The following TMEM232 variants were observed in gnomAD, a reference collection of about 807,000 sequenced individuals.
The protein encoded by TMEM232 is transmembrane protein 232.
A neutral mutation model predicts 78.8 loss-of-function variants in TMEM232; 80 were observed. That is an observed-to-expected ratio of 1.01 (90% CI 0.85 to 1.22). TMEM232 has a LOEUF of 1.22. Among genes scored for constraint, TMEM232 ranks in the 50% most tolerant of loss-of-function variants. TMEM232 has a pLI of 0.00. For missense variants in TMEM232, 881 were observed against 742.2 expected (o/e 1.19, Z -2.17); for synonymous variants, 297 against 254.3 (o/e 1.17, Z -1.60).
intron 7 of TMEM232, among the ~76,000 whole-genome samples, chr5:110,622,154 A>T (rs1783832490): frequency 6.6e-6 from 1 of 152,188 alleles, no homozygotes; most frequent in African/African-American, 2.4e-5. Flanking sequence ...CCTAATTTTA[A>T]GGAGTTTATG....
intron 1 of TMEM232, among the ~76,000 whole-genome samples, chr5:110,711,447 C>T (rs248864): frequency 0.82 from 125,420 of 152,142 alleles, 52,230 homozygotes; most frequent in South Asian, 0.89. Flanking sequence ...AGACCCAGAA[C>T]GGCCAAAGCT....
chr5:110,477,779 T>C (rs944062675), intron 12 of TMEM232, among the ~76,000 whole-genome samples: 3 of 151,894 alleles, frequency 2.0e-5, no homozygotes, highest in African/African-American at 7.2e-5. Flanking sequence ...TACATCTACA[T>C]GCTCATTTTG....
intron 11 of TMEM232, among the ~76,000 whole-genome samples, chr5:110,555,026 T>C (rs1347515237): frequency 6.6e-6 from 1 of 152,118 alleles, no homozygotes; most frequent in Non-Finnish European, 1.5e-5. Context: ...TCAGTTCAGC[T>C]CTTATTTTGG....
chr5:110,387,980 G>C (rs1427648073), exon 5 of TMEM232: 1 of 153,214 alleles, frequency 6.5e-6, no homozygotes, highest in African/African-American at 2.4e-5. Context: ...TAAATACCCA[G>C]GGCTCATCAT....
chr5:110,485,962 C>A (rs1764418197), intron 12 of TMEM232, among the ~76,000 whole-genome samples: 1 of 152,048 alleles, frequency 6.6e-6, no homozygotes, highest in African/African-American at 2.4e-5. Context: ...CTGATCACTG[C>A]ATCCATGCCA....
intron 12 of TMEM232, among the ~76,000 whole-genome samples, chr5:110,431,387 A>G (rs1561486337): frequency 6.6e-6 from 1 of 151,448 alleles, no homozygotes; most frequent in Non-Finnish European, 1.5e-5. Flanking sequence ...TTTAACTTAA[A>G]AGTTAGATAA....
At chr5:110,656,475 T>G (rs1416154165) in intron 2 of TMEM232, among the ~76,000 whole-genome samples, 2 of 152,038 alleles carry the variant, frequency 1.3e-5, no homozygotes, top group Non-Finnish European at 2.9e-5. Flanking sequence ...GACTGAGATA[T>G]CAAAGAATAC....
At chr5:110,692,902 A>C (rs1275105220) in intron 1 of TMEM232, among the ~76,000 whole-genome samples, 1 of 152,220 alleles carries the variant, frequency 6.6e-6, no homozygotes, top group East Asian at 1.9e-4. Context: ...AAGAAAAGGC[A>C]GCAGTAACCT....
chr5:110,724,642 G>A (rs896554744), intron 1 of TMEM232, among the ~76,000 whole-genome samples: 9 of 152,062 alleles, frequency 5.9e-5, no homozygotes, highest in Non-Finnish European at 1.3e-4. Flanking sequence ...TTTTTCTGGT[G>A]GACTACTGTT....
intron 1 of TMEM232, among the ~76,000 whole-genome samples, chr5:110,723,555 T>G (rs1797865338): frequency 6.6e-6 from 1 of 152,152 alleles, no homozygotes; most frequent in East Asian, 1.9e-4. Flanking sequence ...TCTCAAAATC[T>G]GTATAGACTG....
In TMEM232 at chr5:110,412,668, T is replaced by G. The variant is rs182825410; in HGVS notation, n.308+12155A>C. Reference sequence around the variant, plus strand: ...ATAACCCATCTTTTCCCAAGAAAATTTTCAGACCCCTGACTTGGTTTTAAG... The same window carrying G: ...ATAACCCATCTTTTCCCAAGAAAATGTTCAGACCCCTGACTTGGTTTTAAG... On this transcript the variant is annotated intron_variant and non_coding_transcript_variant, in intron 2 of 8. Coordinates refer to the TMEM232 transcript ENST00000507188. Among the ~76,000 whole-genome samples, 64 of 152,190 alleles carry G rather than the reference T, an allele frequency of 4.2e-4. 1 individual carries two copies. The highest frequency in any genetic ancestry group is 3.0e-3 in the Admixed American group (46 of 15,286).
At chr5:110,457,462 A>G (rs1761027585) in intron 12 of TMEM232, among the ~76,000 whole-genome samples, 1 of 152,126 alleles carries the variant, frequency 6.6e-6, no homozygotes, top group African/African-American at 2.4e-5. Context: ...TATTTTTTAT[A>G]CACATACTTA....
rs548356558 is a variant in TMEM232 at position 110,658,302 on chromosome 5, T to C, written c.125+8926A>G. 2.1e-3 allele frequency among the ~76,000 whole-genome samples: 323 copies of C among 152,296 alleles called. 2 individuals are homozygous for C. The highest frequency in any genetic ancestry group is 7.4e-3 in the African/African-American group (308 of 41,582). On this transcript the variant is annotated intron_variant, in intron 2 of 13. Transcript: ENST00000455884. ...TATGAAACCAGAAATACAGTCCTCA[T>C]TTCATTTCTAAAAATATCTACGGTT...
At chr5:110,421,136 A>G (rs932250071) in intron 13 of TMEM232, among the ~76,000 whole-genome samples, 4 of 152,202 alleles carry the variant, frequency 2.6e-5, no homozygotes, top group South Asian at 2.1e-4. Context: ...TACAGAAAAT[A>G]CAAATTAAAC....
intron 12 of TMEM232, among the ~76,000 whole-genome samples, chr5:110,442,409 A>T (rs1759159233): frequency 1.3e-5 from 2 of 151,820 alleles, no homozygotes; most frequent in South Asian, 4.1e-4. Context: ...TGCTATTAAG[A>T]GACTCTGATG....
chr5:110,731,853 C>G (rs1798708016), intron 2 of TMEM232, among the ~76,000 whole-genome samples: 1 of 152,218 alleles, frequency 6.6e-6, no homozygotes, highest in Admixed American at 6.5e-5. Flanking sequence ...ATGCAAATTT[C>G]TGTGGCCAGC....
At chr5:110,580,101 C>T (rs1257746231) in intron 10 of TMEM232, among the ~76,000 whole-genome samples, 1 of 151,544 alleles carries the variant, frequency 6.6e-6, no homozygotes, top group African/African-American at 2.4e-5. Flanking sequence ...AAGGATCAAT[C>T]CACTAAAAAG....
chr5:110,698,891 C>T (rs1795116816), intron 1 of TMEM232, among the ~76,000 whole-genome samples: 1 of 152,028 alleles, frequency 6.6e-6, no homozygotes, highest in South Asian at 2.1e-4. Context: ...TATATTCCTT[C>T]TGAGAGCAAT....
At chr5:110,677,852 T>C (rs528352489) in intron 1 of TMEM232, among the ~76,000 whole-genome samples, 5 of 152,180 alleles carry the variant, frequency 3.3e-5, no homozygotes, top group African/African-American at 4.8e-5. Context: ...GTGAGACTCA[T>C]TTTTCTACTA....
Sources: gnomAD v4.1 joint callset for allele counts (sites outside exome capture counted in the v4.1 genomes callset) on GRCh38, gnomAD v4.1.1 for gene constraint, MANE v1.5 for transcripts, NCBI Gene and HGNC (gene_info 2026-07-23, HGNC 2026-07-21) for gene names.